Variants in ARHGAP29 observed in about 807,000 individuals in gnomAD.
The protein encoded by ARHGAP29 is rho GTPase-activating protein 29.
In ARHGAP29, 43 loss-of-function variants were observed where a neutral mutation model predicts 122.6. The ratio of observed to expected loss-of-function variants is 0.35; its 90% CI spans 0.27 to 0.45. The LOEUF (loss-of-function observed/expected upper bound fraction) is 0.45. Ranked by LOEUF, ARHGAP29 falls within the 20% of genes least tolerant of loss-of-function variation. The pLI is 1.00. For synonymous variants in ARHGAP29, 506 were observed against 497.1 expected, an observed-to-expected ratio of 1.02 and a Z score of -0.24; for missense variants, 1,303 against 1,477.2, an observed-to-expected ratio of 0.88 and a Z score of 1.93.
chr1:94,201,557 G>A (rs1164004669), intron 12 of ARHGAP29, among the ~76,000 whole-genome samples, 163 bp downstream of exon 12: 2 of 133,458 alleles, frequency 1.5e-5, no homozygotes, highest in African/African-American at 5.6e-5. Context: ...ACCCACTCTA[G>A]AGTGGGTAAT....
chr1:94,276,843 C>T (rs1241994855), upstream of ARHGAP29, among the ~76,000 whole-genome samples: 1 of 148,170 alleles, frequency 6.7e-6, no homozygotes, highest in Non-Finnish European at 1.5e-5. Context: ...CACTGTAGTT[C>T]CTATTACTAG....
At chr1:94,231,686 G>C in intron 1 of ARHGAP29, 43 bp from the exon 2 acceptor site, 9 of 1,433,930 alleles carry the variant, frequency 6.3e-6, no homozygotes, top group Middle Eastern at 1.8e-4. Context: ...CGAGGAGAGA[G>C]AAAGAAACAC....
chr1:94,275,618 C>A (rs1362741431), upstream of ARHGAP29, among the ~76,000 whole-genome samples: 1 of 152,074 alleles, frequency 6.6e-6, no homozygotes, highest in Non-Finnish European at 1.5e-5. Flanking sequence ...AGGACAGGTG[C>A]TGGTTGGCAG....
rs967019261 is a variant in ARHGAP29 at position 94,209,670 on chromosome 1, C to T, written c.341-320G>A. 2.6e-5 allele frequency among the ~76,000 whole-genome samples: 4 copies of T among 152,160 alleles called. No homozygotes were observed. In the East Asian group the frequency reaches 7.7e-4, roughly 29 times the overall value. ...AGAGTCCATGTTACACCACACCTCTCAATTATTAACACTGTTCTGTACTAT... is the reference window on the plus strand; with the variant it reads ...AGAGTCCATGTTACACCACACCTCTTAATTATTAACACTGTTCTGTACTAT... On this transcript the variant is annotated intron_variant, in intron 3 of 22. Coordinates refer to ENST00000260526, the MANE Select transcript of ARHGAP29 (RefSeq NM_004815.4).
At chr1:94,282,150 G>T in the ARHGAP29 span, among the ~76,000 whole-genome samples, 3 of 151,898 alleles carry the variant, frequency 2.0e-5, no homozygotes, top group African/African-American at 7.3e-5. Context: ...ATCTGATCTT[G>T]TAAGTCTGGA....
chr1:94,177,630 AT>A lies in ARHGAP29; in HGVS notation c.2886del (p.Lys962AsnfsTer14). 6.2e-7 allele frequency: 1 copy of A among 1,611,180 alleles called. No homozygotes were observed. Among genetic ancestry groups the A allele is most frequent in the South Asian group, 1.1e-5 (1 of 90,202 alleles). ...ESERKQNALGKCDACLSDKAQ... is the reference protein window; with the variant it reads ...ESERKQNALGXCDACLSDKAQ... ...TACTCACCACTGAGACATGCATCAC[AT>A]TTTCCTAACGCATTTTGCTTGCGTT... is the stretch of plus-strand genomic sequence containing the variant. On this transcript the variant is annotated frameshift_variant, in exon 22 of 23. Transcript: ENST00000260526. LOFTEE classifies it low-confidence loss of function (END_TRUNC).
chr1:94,218,586 A>G (rs560546204), intron 3 of ARHGAP29, among the ~76,000 whole-genome samples: 1 of 152,354 alleles, frequency 6.6e-6, no homozygotes, highest in Admixed American at 6.5e-5. Context: ...TACTATCTAT[A>G]GACACAAATT....
At chr1:94,210,500 T>A (rs966387526) in intron 3 of ARHGAP29, among the ~76,000 whole-genome samples, 2 of 152,180 alleles carry the variant, frequency 1.3e-5, no homozygotes, top group African/African-American at 4.8e-5. Flanking sequence ...ATAAATCCCA[T>A]GAAATTGCAA....
At chr1:94,180,139 T>C (rs1649365234) in intron 19 of ARHGAP29, among the ~76,000 whole-genome samples, 182 bp from the exon 20 acceptor site, 1 of 152,072 alleles carries the variant, frequency 6.6e-6, no homozygotes, top group Non-Finnish European at 1.5e-5. Context: ...CCTAGAATCA[T>C]CATCATAAAT....
chr1:94,252,095 G>T (rs1305033670), intron 1 of ARHGAP29, among the ~76,000 whole-genome samples: 2 of 152,114 alleles, frequency 1.3e-5, no homozygotes, highest in African/African-American at 4.8e-5. Context: ...AGATTAATTT[G>T]TTAACATTTT....
At chr1:94,291,411 C>T in the ARHGAP29 span, among the ~76,000 whole-genome samples, 9 of 152,198 alleles carry the variant, frequency 5.9e-5, no homozygotes, top group African/African-American at 1.9e-4. Flanking sequence ...ATCCAATTTG[C>T]TAATCTGTGT....
chr1:94,244,422 T>C (rs1319753766), intron 1 of ARHGAP29, among the ~76,000 whole-genome samples: 3 of 152,076 alleles, frequency 2.0e-5, no homozygotes, highest in Admixed American at 2.0e-4. Context: ...CAAAATTCCA[T>C]GGCCATTCAT....
intron 13 of ARHGAP29, among the ~76,000 whole-genome samples, 173 bp from the exon 14 acceptor site, chr1:94,189,525 C>G (rs1231565040): frequency 6.6e-6 from 1 of 152,060 alleles, no homozygotes; most frequent in Non-Finnish European, 1.5e-5. Flanking sequence ...GATGTAAATA[C>G]TTTTTAATTA....
At chr1:94,216,356 T>C (rs1311921539) in intron 3 of ARHGAP29, among the ~76,000 whole-genome samples, 2 of 152,188 alleles carry the variant, frequency 1.3e-5, no homozygotes, top group Non-Finnish European at 2.9e-5. Flanking sequence ...AGGTAACTCA[T>C]GACAATGAGC....
intron 8 of ARHGAP29, 125 bp downstream of exon 8, chr1:94,203,805 G>T: frequency 4.1e-6 from 3 of 727,400 alleles, no homozygotes; most frequent in Non-Finnish European, 4.5e-6. Context: ...AAATAATTTT[G>T]TCAATAAAAA....
At position 94,231,474 on chromosome 1, in the gene ARHGAP29, C is replaced by T; in HGVS notation, c.138G>A (p.Lys46=). ...SNSIFDPDYI[K]ELVNDIRKFS... ...ACTTCCTGATATCATTCACCAACTC[C>T]TTGATGTAATCCGGATCAAAAATAG... The change falls in exon 2 of 23, where the codon AAG becomes AAA. Residue 46 remains lysine (K), a synonymous_variant. Coordinates refer to ENST00000260526, the MANE Select transcript of ARHGAP29 (RefSeq NM_004815.4). 1 of 1,613,800 alleles carries T rather than the reference C, an allele frequency of 6.2e-7. No homozygotes were observed. Among genetic ancestry groups the T allele is most frequent in the South Asian group, 1.1e-5 (1 of 91,066 alleles).
At chr1:94,177,000 A>G (rs541627844) in intron 22 of ARHGAP29, 2 of 151,942 alleles carry the variant, frequency 1.3e-5, no homozygotes, top group African/African-American at 2.4e-5. Flanking sequence ...GAATTTAGCT[A>G]TAACAATGTA....
chr1:94,223,993 G>C (rs1652476013), intron 2 of ARHGAP29, among the ~76,000 whole-genome samples: 1 of 152,136 alleles, frequency 6.6e-6, no homozygotes, highest in East Asian at 1.9e-4. Context: ...GTATTTAGTA[G>C]AGACGAGGTT....
chr1:94,309,657 A>G, the ARHGAP29 span, among the ~76,000 whole-genome samples: 1 of 152,210 alleles, frequency 6.6e-6, no homozygotes, highest in Admixed American at 6.5e-5. Flanking sequence ...AGAATCACCC[A>G]GACTAGAGGG....
Sources: allele counts gnomAD v4.1 joint callset (sites outside exome capture counted in the v4.1 genomes callset), GRCh38; gene constraint gnomAD v4.1.1; transcripts MANE v1.5; gene names NCBI Gene and HGNC (gene_info 2026-07-23, HGNC 2026-07-21).